NRXN2: variants seen among roughly 807,000 people sequenced by gnomAD.
The protein encoded by NRXN2 is neurexin-2-beta.
Under a neutral mutation model 128.8 loss-of-function variants are expected in NRXN2, and 29 were observed. The observed-to-expected ratio is 0.23, with a 90% confidence interval of 0.17 to 0.31. NRXN2 has a LOEUF of 0.31. Ranked by LOEUF, NRXN2 falls within the 10% of genes least tolerant of loss-of-function variation. The pLI is 1.00. For missense variants in NRXN2, 1,881 were observed against 2,452.6 expected (o/e 0.77, Z 4.92); for synonymous variants, 1,098 against 1,075.2 (o/e 1.02, Z -0.41).
chr11:64,719,882 G>A (rs2057390636), intron 1 of NRXN2, among the ~76,000 whole-genome samples: 1 of 152,188 alleles, frequency 6.6e-6, no homozygotes, highest in African/African-American at 2.4e-5. Context: ...GTGCGTGCAG[G>A]GAAGGTTATG....
rs866678328 is a variant in NRXN2, at chr11:64,632,393, C to T, written c.3586-1820G>A. Among the ~76,000 whole-genome samples, 2 of 152,232 alleles carry T rather than the reference C, an allele frequency of 1.3e-5. No individual in the cohort carries two copies. Among genetic ancestry groups the T allele is most frequent in the Admixed American group, 1.3e-4 (2 of 15,294 alleles). ...ACAAAGAGTATTAGCAAGCCCCACC[C>T]ATTCACCACCCACAGACTGACAACA... is the stretch of plus-strand genomic sequence containing the variant. On this transcript the variant is annotated intron_variant, in intron 18 of 22. Transcript: ENST00000265459. The surrounding 1 kb of genome is among the most constrained non-coding windows in gnomAD (Gnocchi z 4.2).
chr11:64,663,055 G>A (rs918011546), intron 9 of NRXN2, among the ~76,000 whole-genome samples: 3 of 152,012 alleles, frequency 2.0e-5, no homozygotes, highest in African/African-American at 7.3e-5. Context: ...CCTCATTCAG[G>A]ACGTGTTCCT....
chr11:64,625,565 A>G (rs952689414), intron 20 of NRXN2, among the ~76,000 whole-genome samples: 3 of 152,164 alleles, frequency 2.0e-5, no homozygotes, highest in Non-Finnish European at 4.4e-5. Flanking sequence ...GTGGACATTT[A>G]AAAGCACAGT....
chr11:64,715,787 A>G (rs977916242), intron 1 of NRXN2, among the ~76,000 whole-genome samples: 1 of 151,708 alleles, frequency 6.6e-6, no homozygotes, highest in Non-Finnish European at 1.5e-5. Context: ...AGCAACCCCC[A>G]CTCCTTACAA....
chr11:64,611,223 C>T (rs780150787), intron 22 of NRXN2, among the ~76,000 whole-genome samples: 4 of 152,152 alleles, frequency 2.6e-5, no homozygotes, highest in African/African-American at 9.7e-5. Context: ...AGGGAGTGGG[C>T]GTCTCTCTCA....
At chr11:64,653,283 C>A (rs1212892167) in intron 12 of NRXN2, among the ~76,000 whole-genome samples, 1 of 152,108 alleles carries the variant, frequency 6.6e-6, no homozygotes, top group Non-Finnish European at 1.5e-5. Context: ...CCCTTGTGGC[C>A]AATTCTGGAG....
chr11:64,660,715 T>A lies in NRXN2; in HGVS notation c.2185+38A>T. 1 of 1,602,604 alleles carries A rather than the reference T, an allele frequency of 6.2e-7. No homozygotes were observed. ...ACCCTGAGAAGGAGGAGCACAGGGA[T>A]AGGGAGCAGGGACACCTAGGATGAA... On this transcript the variant is annotated intron_variant, in intron 10 of 22. Coordinates refer to ENST00000265459, the MANE Select transcript of NRXN2 (RefSeq NM_015080.4). The surrounding 1 kb of genome is among the most constrained non-coding windows in gnomAD (Gnocchi z 5.2).
chr11:64,713,651 G>GCAA lies in NRXN2; in HGVS notation c.46_48dup (p.Leu20dup). 1 of 1,222,518 alleles carries GCAA rather than the reference G, an allele frequency of 8.2e-7. No individual in the cohort carries two copies. The highest frequency in any genetic ancestry group is 1.0e-6 in the Non-Finnish European group (1 of 977,708). 75.7% of individuals were successfully genotyped at this position (1,222,518 alleles called of 1,614,324 possible). A position where few individuals can be genotyped will look rare whatever the true frequency, so the allele number is the denominator to read the frequency against. On this transcript the variant is annotated inframe_insertion, in exon 2 of 23. Transcript: ENST00000265459. The stretch of plus-strand genomic sequence containing the variant: ...CGCGCCGCCAGCGCCAGCAGCAGCA[G>GCAA]CAACAGCAGCGGCGGCGGTGTCGGC...
chr11:64,621,368 G>T (rs2042323771), intron 21 of NRXN2, among the ~76,000 whole-genome samples: 1 of 152,098 alleles, frequency 6.6e-6, no homozygotes, highest in African/African-American at 2.4e-5. Flanking sequence ...CTATGATTTG[G>T]AGGGTATTGG....
intron 12 of NRXN2, among the ~76,000 whole-genome samples, chr11:64,653,013 G>A (rs1431260717): frequency 6.6e-6 from 1 of 151,490 alleles, no homozygotes; most frequent in Non-Finnish European, 1.5e-5. Context: ...CTCTCTGCCT[G>A]GGCCTACCAC....
chr11:64,717,017 C>T (rs1258492804), intron 1 of NRXN2, among the ~76,000 whole-genome samples: 2 of 152,072 alleles, frequency 1.3e-5, no homozygotes, highest in Non-Finnish European at 2.9e-5. Flanking sequence ...ACAGGGGGCT[C>T]CTGCTACCCT....
In NRXN2 at chr11:64,606,202, T is replaced by G. The variant is rs1661403128; in HGVS notation, c.*994A>C. On this transcript the variant is annotated 3_prime_UTR_variant, in exon 23 of 23. Coordinates refer to ENST00000265459, the MANE Select transcript of NRXN2 (RefSeq NM_015080.4). ...GAATTTGGAAAGTTTTTGTTTTCTT[T>G]TTCCCACACATTTCCGGGGTTGGGG... 1 of 152,484 alleles carries G rather than the reference T, an allele frequency of 6.6e-6. No individual in the cohort carries two copies. 9.4% of individuals were successfully genotyped at this position (152,484 alleles called of 1,614,324 possible). A position where few individuals can be genotyped will look rare whatever the true frequency, so the allele number is the denominator to read the frequency against.
chr11:64,722,206 T>G (rs921950500), intron 1 of NRXN2, among the ~76,000 whole-genome samples: 1 of 150,106 alleles, frequency 6.7e-6, no homozygotes, highest in East Asian at 2.0e-4. Flanking sequence ...TGCAGCACTC[T>G]CTGACCAGAA....
rs186961875 is a variant in NRXN2 at position 64,676,608 on chromosome 11, G to A, written c.1197+385C>T. The A allele has an allele frequency of 2.9e-5, 7 of 242,968 alleles. No homozygotes were observed. The East Asian group carries it at 5.5e-4, about 19-fold the overall frequency. 15.1% of individuals were successfully genotyped at this position (242,968 alleles called of 1,614,324 possible). A position where few individuals can be genotyped will look rare whatever the true frequency, so the allele number is the denominator to read the frequency against. ...ATCAAAGAGAAAAAACAAGGGAGGG[G>A]AGGGAAAAGAACAAAATAAAGCAAT... On this transcript the variant is annotated intron_variant, in intron 7 of 22. Transcript: ENST00000265459.
At chr11:64,679,304 A>G (rs1382673878) in intron 6 of NRXN2, among the ~76,000 whole-genome samples, 1 of 152,228 alleles carries the variant, frequency 6.6e-6, no homozygotes, top group African/African-American at 2.4e-5. Flanking sequence ...AACTTTATGA[A>G]CAAGATTCCA....
At chr11:64,718,427 G>C (rs1047105127) in intron 1 of NRXN2, among the ~76,000 whole-genome samples, 2 of 152,218 alleles carry the variant, frequency 1.3e-5, no homozygotes, top group Non-Finnish European at 1.5e-5. Flanking sequence ...CGCCAGGGAG[G>C]AAGAGCTGGG....
At chr11:64,654,740 A>G (rs1441353826) in intron 11 of NRXN2, among the ~76,000 whole-genome samples, 2 of 151,972 alleles carry the variant, frequency 1.3e-5, no homozygotes, top group Non-Finnish European at 2.9e-5. Context: ...TGTCTGCACC[A>G]CTCCATCAAA....
At chr11:64,643,015 G>A in intron 17 of NRXN2, 9 of 1,005,758 alleles carry the variant, frequency 8.9e-6, no homozygotes, top group Non-Finnish European at 1.1e-5. Flanking sequence ...CAACGCCAAG[G>A]TCCAGGATGC....
chr11:64,646,174 T>C (rs2046623240), intron 17 of NRXN2, among the ~76,000 whole-genome samples: 1 of 152,174 alleles, frequency 6.6e-6, no homozygotes, highest in Non-Finnish European at 1.5e-5. Flanking sequence ...GCCCCCAGGT[T>C]GCACCCACCT....
Sources: allele counts gnomAD v4.1 joint callset (sites outside exome capture counted in the v4.1 genomes callset), GRCh38; gene constraint gnomAD v4.1.1; non-coding constraint Gnocchi (gnomAD v3.1); transcripts MANE v1.5; gene names NCBI Gene and HGNC (gene_info 2026-07-23, HGNC 2026-07-21).